Variants in FAXC observed in about 807,000 individuals in gnomAD.
FAXC encodes failed axon connections homolog.
FAXC carries 10 observed loss-of-function variants against 41.9 expected under a neutral mutation model. The ratio of observed to expected loss-of-function variants is 0.24; its 90% CI spans 0.15 to 0.41. The LOEUF (loss-of-function observed/expected upper bound fraction) is 0.41. Ranked by LOEUF, FAXC falls within the 10% of genes least tolerant of loss-of-function variation. The pLI is 1.00. For synonymous variants in FAXC, 183 were observed against 183.8 expected, an observed-to-expected ratio of 1.00 and a Z score of 0.03; for missense variants, 399 against 510.9, an observed-to-expected ratio of 0.78 and a Z score of 2.11.
At position 99,276,782 on chromosome 6, in the gene FAXC, T is replaced by C. The variant is rs1402731301; in HGVS notation, c.*4382A>G. ...AAATTTCCTGAATTTATATGTAACA[T>C]TTTATGTATTTGCATATATGTGTTT... On this transcript the variant is annotated 3_prime_UTR_variant, in exon 6 of 6. Coordinates refer to ENST00000389677, the MANE Select transcript of FAXC (RefSeq NM_032511.4). 1 of 152,164 alleles carries C rather than the reference T, an allele frequency of 6.6e-6. No homozygotes were observed. The highest frequency in any genetic ancestry group is 1.5e-5 in the Non-Finnish European group (1 of 68,020). 9.4% of individuals were successfully genotyped at this position (152,164 alleles called of 1,614,324 possible). A position where few individuals can be genotyped will look rare whatever the true frequency, so the allele number is the denominator to read the frequency against.
chr6:99,326,095 A>C (rs1009853744), intron 3 of FAXC, among the ~76,000 whole-genome samples: 11 of 152,258 alleles, frequency 7.2e-5, no homozygotes, highest in Non-Finnish European at 1.3e-4. Flanking sequence ...CGGCAAGGGC[A>C]CAATCAGGAC....
intron 1 of FAXC, among the ~76,000 whole-genome samples, chr6:99,345,284 C>A (rs974329413): frequency 6.6e-6 from 1 of 152,182 alleles, no homozygotes; most frequent in Non-Finnish European, 1.5e-5. Context: ...TTCACCTTGA[C>A]AAACTCTGTT....
At chr6:99,310,698 A>G (rs1772120899) in intron 4 of FAXC, among the ~76,000 whole-genome samples, 1 of 152,190 alleles carries the variant, frequency 6.6e-6, no homozygotes, top group African/African-American at 2.4e-5. Flanking sequence ...AATTACTTCC[A>G]TGTCTTCACT....
At chr6:99,344,597 A>C (rs1773531796) in intron 1 of FAXC, among the ~76,000 whole-genome samples, 1 of 152,206 alleles carries the variant, frequency 6.6e-6, no homozygotes, top group African/African-American at 2.4e-5. Flanking sequence ...AAGTAAAAAA[A>C]AAAAATTGCT....
Position 99,277,823 on chromosome 6 carries a change from T to C in FAXC, c.*3341A>G, listed in dbSNP as rs761298625. 1.3e-5 allele frequency: 2 copies of C among 152,200 alleles called. No individual in the cohort carries two copies. The highest frequency in any genetic ancestry group is 2.9e-5 in the Non-Finnish European group (2 of 68,044). The allele number at this position is 152,200 out of a possible 1,614,324, so 9.4% of individuals were successfully genotyped here. ...ACGTGGTGTAATGGAAAGAACCATA[T>C]TGACCTCAGTTTTTGGTCCTGCCCT... On this transcript the variant is annotated 3_prime_UTR_variant, in exon 6 of 6. Coordinates refer to ENST00000389677, the MANE Select transcript of FAXC (RefSeq NM_032511.4).
intron 4 of FAXC, among the ~76,000 whole-genome samples, chr6:99,301,548 G>T (rs183908492): frequency 7.0e-4 from 106 of 152,324 alleles, no homozygotes; most frequent in African/African-American, 2.5e-3. Flanking sequence ...TTTCTCCAGT[G>T]CATACTTCTT....
At position 99,281,147 on chromosome 6, in the gene FAXC, G is replaced by A. The variant is rs1384706611; in HGVS notation, c.*17C>T. 2 of 1,153,226 alleles carry A rather than the reference G, an allele frequency of 1.7e-6. No homozygotes were observed. Among genetic ancestry groups the A allele is most frequent in the Non-Finnish European group, 2.6e-6 (2 of 760,828 alleles). 71.4% of individuals were successfully genotyped at this position (1,153,226 alleles called of 1,614,324 possible). A position where few individuals can be genotyped will look rare whatever the true frequency, so the allele number is the denominator to read the frequency against. ...GGAGTGGCAGGTCCCAAGGAAGAGG[G>A]TCAGTGAGGCTGGACGTCACTTGCA... On this transcript the variant is annotated 3_prime_UTR_variant, in exon 6 of 6. Transcript: ENST00000389677.
In FAXC at chr6:99,349,482, C is replaced by CGGGCGGCGGCGACTGAGG; in HGVS notation, c.-128_-111dup. On this transcript the variant is annotated 5_prime_UTR_variant, in exon 1 of 6. Coordinates refer to ENST00000389677, the MANE Select transcript of FAXC (RefSeq NM_032511.4). ...AGGCGCGCGGAGGGCGCGGGCGGCGCGGGCGGCGGCGACTGAGGAGGCGGC... is the reference window on the plus strand; with the variant it reads ...AGGCGCGCGGAGGGCGCGGGCGGCGCGGGCGGCGGCGACTGAGGGGGCGGCGGCGACTGAGGAGGCGGC... The CGGGCGGCGGCGACTGAGG allele has an allele frequency of 1.2e-6, 1 of 824,280 alleles. No homozygotes were observed. The highest frequency in any genetic ancestry group is 1.5e-6 in the Non-Finnish European group (1 of 683,840). The allele number at this position is 824,280 out of a possible 1,614,324, so 51.1% of individuals were successfully genotyped here.
chr6:99,294,020 C>G (rs917067747), intron 4 of FAXC, among the ~76,000 whole-genome samples: 1 of 152,064 alleles, frequency 6.6e-6, no homozygotes, highest in African/African-American at 2.4e-5. Flanking sequence ...TTTTAAAAAT[C>G]ATTTCCCCTA....
chr6:99,288,043 C>A (rs989035310), intron 5 of FAXC, among the ~76,000 whole-genome samples: 7 of 152,132 alleles, frequency 4.6e-5, no homozygotes, highest in Non-Finnish European at 8.8e-5. Context: ...GTGCATGAGG[C>A]CCAAAATCAA....
chr6:99,315,423 A>G (rs1772316292), intron 4 of FAXC, among the ~76,000 whole-genome samples: 2 of 151,856 alleles, frequency 1.3e-5, no homozygotes, highest in South Asian at 4.2e-4. Flanking sequence ...TACCTGCAAT[A>G]TCTCCCTCAG....
At chr6:99,282,828 C>A (rs1245704458) in intron 5 of FAXC, among the ~76,000 whole-genome samples, 2 of 152,172 alleles carry the variant, frequency 1.3e-5, no homozygotes, top group African/African-American at 4.8e-5. Flanking sequence ...AAAATAAAAG[C>A]ATTACCAATA....
chr6:99,289,687 ATATGTGTGTGTG>A (rs1562152033), intron 5 of FAXC, among the ~76,000 whole-genome samples: 2 of 69,948 alleles, frequency 2.9e-5, no homozygotes, highest in Non-Finnish European at 5.0e-5. Context: ...GTACATATGT[ATATGTGTGTGTG>A]TGTGTGTGTG....
chr6:99,334,774 C>G (rs1309588044), intron 2 of FAXC: 1 of 161,682 alleles, frequency 6.2e-6, no homozygotes, highest in Non-Finnish European at 1.3e-5. Flanking sequence ...TCAAAATTAT[C>G]CAATGGCTTT....
At chr6:99,298,315 G>A (rs1771578428) in intron 4 of FAXC, among the ~76,000 whole-genome samples, 1 of 151,142 alleles carries the variant, frequency 6.6e-6, no homozygotes, top group South Asian at 2.1e-4. Flanking sequence ...AAGTGATCCT[G>A]CCGCCTTGTC....
At position 99,275,923 on chromosome 6, in the gene FAXC, G is replaced by A. The variant is rs1173729036; in HGVS notation, c.*5241C>T. ...TTTTGAACTTCCCAAGTTATATCCA[G>A]ACCACTGGAAGCAACTGAATAAAGG... On this transcript the variant is annotated 3_prime_UTR_variant, in exon 6 of 6. Transcript: ENST00000389677. 6.6e-6 allele frequency: 1 copy of A among 152,064 alleles called. No homozygotes were observed. The highest frequency in any genetic ancestry group is 1.5e-5 in the Non-Finnish European group (1 of 68,042). The allele number at this position is 152,064 out of a possible 1,614,324, so 9.4% of individuals were successfully genotyped here. A position where few individuals can be genotyped will look rare whatever the true frequency, so the allele number is the denominator to read the frequency against.
chr6:99,312,352 C>T (rs1446307167), intron 4 of FAXC, among the ~76,000 whole-genome samples: 1 of 152,206 alleles, frequency 6.6e-6, no homozygotes, highest in Non-Finnish European at 1.5e-5. Flanking sequence ...CCTGGTGACA[C>T]CAATGCACAC....
At position 99,320,851 on chromosome 6, in the gene FAXC, C is replaced by A. The variant is rs1482176429; in HGVS notation, c.823+2593G>T. ...TCATCTACGGCCCTCCCCAGTCCCC[C>A]CTGCTATTTCATCCCAGAGCACCAA... is the stretch of plus-strand genomic sequence containing the variant. On this transcript the variant is annotated intron_variant, in intron 4 of 5. Coordinates refer to ENST00000389677, the MANE Select transcript of FAXC (RefSeq NM_032511.4). 2.6e-5 allele frequency among the ~76,000 whole-genome samples: 4 copies of A among 152,336 alleles called. No homozygotes were observed. In the East Asian group the frequency reaches 5.8e-4, roughly 22 times the overall value.
chr6:99,316,432 T>C (rs1334992516), intron 4 of FAXC, among the ~76,000 whole-genome samples: 1 of 152,236 alleles, frequency 6.6e-6, no homozygotes, highest in Non-Finnish European at 1.5e-5. Context: ...CTTTGGATTC[T>C]GAGCTCACTG....
Sources: allele counts gnomAD v4.1 joint callset (sites outside exome capture counted in the v4.1 genomes callset), GRCh38; gene constraint gnomAD v4.1.1; transcripts MANE v1.5; gene names NCBI Gene and HGNC (gene_info 2026-07-23, HGNC 2026-07-21).